THSD7B: variants seen among roughly 807,000 people sequenced by gnomAD.
THSD7B encodes the protein thrombospondin type 1 domain containing 7B.
Under a neutral mutation model 213.6 loss-of-function variants are expected in THSD7B, and 138 were observed. The ratio of observed to expected loss-of-function variants is 0.65; its 90% CI spans 0.56 to 0.74. The LOEUF (loss-of-function observed/expected upper bound fraction) is 0.74. Ranked by LOEUF, THSD7B falls within the 30% of genes least tolerant of loss-of-function variation. THSD7B has a pLI of 0.00. For missense variants in THSD7B, 1,931 were observed against 1,991.5 expected, an observed-to-expected ratio of 0.97 and a Z score of 0.58; for synonymous variants, 742 against 687.0, an observed-to-expected ratio of 1.08 and a Z score of -1.25.
At chr2:137,265,566 A>G (rs963521806) in intron 10 of THSD7B, among the ~76,000 whole-genome samples, 5 of 152,236 alleles carry the variant, frequency 3.3e-5, no homozygotes, top group African/African-American at 1.2e-4. Context: ...AACCAACCCA[A>G]AACAGCCTTC....
At chr2:136,857,844 T>C (rs568698105) in intron 1 of THSD7B, among the ~76,000 whole-genome samples, 1 of 152,344 alleles carries the variant, frequency 6.6e-6, no homozygotes, top group East Asian at 1.9e-4. Context: ...TTATCATTTT[T>C]CCTCTTTTAA....
chr2:137,269,437 A>T lies in THSD7B; in HGVS notation c.2267-3096A>T, dbSNP rs76323041. Among the ~76,000 whole-genome samples, 664 of 152,356 alleles carry T rather than the reference A, an allele frequency of 4.4e-3. 3 individuals carry two copies. The highest frequency in any genetic ancestry group is 8.0e-3 in the Non-Finnish European group (543 of 68,036). ...CATGTTCAGTGTAAAAGGGAGACAT[A>T]CTGATCCATGCTGTATATGTAGTCT... On this transcript the variant is annotated intron_variant, in intron 10 of 27. Coordinates refer to ENST00000409968, the MANE Select transcript of THSD7B (RefSeq NM_001316349.2).
chr2:137,521,430 C>T (rs780142879), intron 15 of THSD7B, among the ~76,000 whole-genome samples: 7 of 151,970 alleles, frequency 4.6e-5, no homozygotes, highest in Non-Finnish European at 8.8e-5. Context: ...TGTAATAAGT[C>T]ATGTGGAGTG....
intron 10 of THSD7B, among the ~76,000 whole-genome samples, chr2:137,243,150 A>G (rs1334128484): frequency 1.3e-5 from 2 of 152,346 alleles, no homozygotes; most frequent in East Asian, 3.9e-4. Context: ...AAAGTCCTAG[A>G]TGAACACATA....
chr2:137,548,648 G>A (rs577851979), intron 15 of THSD7B, among the ~76,000 whole-genome samples: 47 of 152,024 alleles, frequency 3.1e-4, no homozygotes, highest in African/African-American at 8.0e-4. Context: ...TTCTGTACAC[G>A]TCATGGCCCT....
Position 137,655,645 on chromosome 2 carries a change from T to C in THSD7B, c.4090T>C (p.Ser1364Pro). ...FQDSILKQLCSVPCPGDCHLT... is the reference protein window; with the variant it reads ...FQDSILKQLCPVPCPGDCHLT... ...GGACAGCATCCTGAAGCAGCTGTGTTCTGTGCCTTGCCCAGGTATGCAATG... is the reference window on the plus strand; with the variant it reads ...GGACAGCATCCTGAAGCAGCTGTGTCCTGTGCCTTGCCCAGGTATGCAATG... The change falls in exon 22 of 28, where the codon TCT (serine) becomes CCT (proline). Residue 1364 changes from serine to proline, a missense_variant. By Grantham distance (74) the Ser-to-Pro change is moderately conservative. Coordinates refer to ENST00000409968, the MANE Select transcript of THSD7B (RefSeq NM_001316349.2). 1.9e-6 allele frequency: 3 copies of C among 1,613,132 alleles called. No homozygotes were observed. Among genetic ancestry groups the C allele is most frequent in the African/African-American group, 2.7e-5 (2 of 75,022 alleles).
At chr2:136,854,670 A>G (rs919343258) in intron 1 of THSD7B, among the ~76,000 whole-genome samples, 3 of 151,258 alleles carry the variant, frequency 2.0e-5, no homozygotes, top group Non-Finnish European at 2.9e-5. Context: ...GGAAAGTGTG[A>G]AAGGAAAGGC....
At chr2:137,546,370 A>AT (rs1395114150) in intron 15 of THSD7B, among the ~76,000 whole-genome samples, 1 of 54,314 alleles carries the variant, frequency 1.8e-5, no homozygotes, top group Non-Finnish European at 3.1e-5. Flanking sequence ...TATTATATAT[A>AT]TATATAATAT....
chr2:137,502,656 T>C lies in THSD7B; in HGVS notation c.3138+51633T>C, dbSNP rs1446609515. On this transcript the variant is annotated intron_variant, in intron 15 of 27. Transcript: ENST00000409968. The stretch of plus-strand genomic sequence containing the variant: ...CTCATCATAACTACAATCAATAACT[T>C]AGACAAATATAAATAAACTTGGATA... 5.3e-5 allele frequency among the ~76,000 whole-genome samples: 8 copies of C among 152,300 alleles called. No homozygotes were observed. The South Asian group carries it at 1.7e-3, about 32-fold the overall frequency.
At chr2:136,818,281 G>T (rs2104935768) in intron 1 of THSD7B, among the ~76,000 whole-genome samples, 1 of 138,242 alleles carries the variant, frequency 7.2e-6, no homozygotes, top group African/African-American at 2.7e-5. Context: ...ATCATTCTCA[G>T]TAAACTATCG....
rs180937243 is a variant in THSD7B at position 137,496,224 on chromosome 2, C to T, written c.3138+45201C>T. On this transcript the variant is annotated intron_variant, in intron 15 of 27. Coordinates refer to ENST00000409968, the MANE Select transcript of THSD7B (RefSeq NM_001316349.2). ...TTAATGAGCCCTCTCATTTTGCAAG[C>T]GATGAGTAGATTCCAGGTCCAATGC... Among the ~76,000 whole-genome samples, 128 of 152,250 alleles carry T rather than the reference C, an allele frequency of 8.4e-4. 2 individuals are homozygous for T. Among genetic ancestry groups the T allele is most frequent in the Admixed American group, 7.1e-3 (109 of 15,280 alleles).
intron 1 of THSD7B, among the ~76,000 whole-genome samples, chr2:136,823,428 C>T (rs767298022): frequency 3.9e-5 from 6 of 152,264 alleles, no homozygotes; most frequent in Admixed American, 6.5e-5. Context: ...GACATTTTGA[C>T]GACGCAAGAC....
chr2:137,119,463 C>T (rs1293569564), intron 5 of THSD7B, among the ~76,000 whole-genome samples: 1 of 152,060 alleles, frequency 6.6e-6, no homozygotes. Context: ...TATTGATGCC[C>T]AAGAGTAATC....
intron 15 of THSD7B, among the ~76,000 whole-genome samples, chr2:137,469,673 C>T (rs1446301352): frequency 6.6e-6 from 1 of 152,020 alleles, no homozygotes; most frequent in Non-Finnish European, 1.5e-5. Context: ...TTTTAATGCC[C>T]TTGATTCTTG....
At chr2:137,149,494 TG>T (rs1679771868) in intron 5 of THSD7B, among the ~76,000 whole-genome samples, 1 of 152,212 alleles carries the variant, frequency 6.6e-6, no homozygotes, top group Non-Finnish European at 1.5e-5. Context: ...TGAGCCTTCC[TG>T]TTCTCTGTAC....
intron 21 of THSD7B, among the ~76,000 whole-genome samples, chr2:137,644,447 G>A (rs1208424048): frequency 1.3e-5 from 2 of 152,054 alleles, no homozygotes; most frequent in African/African-American, 4.8e-5. Context: ...GATGAAGTCA[G>A]TCACTCAGAA....
At chr2:137,121,715 A>G (rs1039811395) in intron 5 of THSD7B, among the ~76,000 whole-genome samples, 2 of 152,210 alleles carry the variant, frequency 1.3e-5, no homozygotes, top group Non-Finnish European at 2.9e-5. Flanking sequence ...CATGCTTGAC[A>G]TTCTTCTTTG....
chr2:136,911,672 C>T (rs1684260095), intron 2 of THSD7B, among the ~76,000 whole-genome samples: 1 of 152,142 alleles, frequency 6.6e-6, no homozygotes, highest in Admixed American at 6.5e-5. Context: ...TGTATGTGTA[C>T]CTTCTACTCT....
At chr2:137,044,868 C>T (rs1462567471) in intron 2 of THSD7B, among the ~76,000 whole-genome samples, 1 of 152,092 alleles carries the variant, frequency 6.6e-6, no homozygotes, top group Non-Finnish European at 1.5e-5. Context: ...TTCCTGAATC[C>T]ATGTCACTAT....
Sources: gnomAD v4.1 joint callset for allele counts (sites outside exome capture counted in the v4.1 genomes callset) on GRCh38, gnomAD v4.1.1 for gene constraint, MANE v1.5 for transcripts, NCBI Gene and HGNC (gene_info 2026-07-23, HGNC 2026-07-21) for gene names.